Variants in ZFHX3 observed in about 807,000 individuals in gnomAD.
ZFHX3 encodes the protein zinc finger homeobox 3.
Under a neutral mutation model 279.1 loss-of-function variants are expected in ZFHX3, and 42 were observed. The ratio of observed to expected loss-of-function variants is 0.15; its 90% CI spans 0.12 to 0.19. The LOEUF (loss-of-function observed/expected upper bound fraction) is 0.19. ZFHX3 is among the 10% of genes least tolerant of loss of function. The pLI, the probability that ZFHX3 is intolerant of heterozygous loss-of-function variation, is 1.00. For synonymous variants in ZFHX3, 2,293 were observed against 1,957.8 expected (o/e 1.17, Z -4.52); for missense variants, 4,981 against 4,754.0 (o/e 1.05, Z -1.40).
chr16:72,959,307 G>T lies in ZFHX3; in HGVS notation c.839C>A (p.Pro280His). The change falls in exon 2 of 10, where the codon CCC (proline) becomes CAC (histidine). Residue 280 changes from proline to histidine, a missense_variant. Pro to His is a moderately conservative substitution (Grantham distance 77, BLOSUM62 -2). This residue lies in a region of ZFHX3 where 1,068 missense variants were observed against 935.2 expected (regional missense o/e 1.14). Coordinates refer to ENST00000268489, the MANE Select transcript of ZFHX3 (RefSeq NM_006885.4). ...TTTGCACAAGAAACACATCAGGATGGGCTTCCTCTTGCCATAGAGCACAAA... is the reference window on the plus strand; with the variant it reads ...TTTGCACAAGAAACACATCAGGATGTGCTTCCTCTTGCCATAGAGCACAAA... Reference protein sequence around the residue: ...DGFVLYGKRKPILMCFLCKLS... With the variant: ...DGFVLYGKRKHILMCFLCKLS... 6.2e-7 allele frequency: 1 copy of T among 1,614,196 alleles called. No homozygotes were observed. Among genetic ancestry groups the T allele is most frequent in the East Asian group, 2.2e-5 (1 of 44,882 alleles).
intron 7 of ZFHX3, chr16:72,809,288 A>G (rs2036367246): frequency 6.6e-6 from 1 of 152,230 alleles, no homozygotes; most frequent in African/African-American, 2.4e-5. Flanking sequence ...TGAGTAAAAG[A>G]AAAATGTAGG....
At chr16:72,872,180 T>G (rs556721378) in intron 4 of ZFHX3, among the ~76,000 whole-genome samples, 8 of 152,304 alleles carry the variant, frequency 5.3e-5, no homozygotes, top group Middle Eastern at 3.4e-3. Context: ...TTATATAATT[T>G]TGTATTCTTA....
At chr16:72,998,576 T>A (rs1457782904) in intron 1 of ZFHX3, among the ~76,000 whole-genome samples, 1 of 152,216 alleles carries the variant, frequency 6.6e-6, no homozygotes, top group Non-Finnish European at 1.5e-5. Flanking sequence ...TGTTCCACAC[T>A]CACAGTATGG....
intron 1 of ZFHX3, among the ~76,000 whole-genome samples, chr16:73,806,443 G>T (rs138374732): frequency 6.6e-6 from 1 of 152,196 alleles, no homozygotes; most frequent in African/African-American, 2.4e-5. Context: ...CTGAGGTCAC[G>T]GCTTTAGCTC....
intron 5 of ZFHX3, among the ~76,000 whole-genome samples, chr16:73,156,644 C>T (rs369154015): frequency 1.6e-3 from 248 of 152,296 alleles, no homozygotes; most frequent in African/African-American, 5.7e-3. Context: ...CAGCCTCGAC[C>T]TCCTGGGTTC....
intron 1 of ZFHX3, among the ~76,000 whole-genome samples, chr16:73,712,590 C>T (rs1306732188): frequency 1.6e-4 from 25 of 152,284 alleles, no homozygotes; most frequent in Non-Finnish European, 4.4e-5. Context: ...GCATGGGAAT[C>T]TGGTGGCCAG....
chr16:73,570,503 G>T (rs984654698), intron 2 of ZFHX3, among the ~76,000 whole-genome samples: 1 of 152,036 alleles, frequency 6.6e-6, no homozygotes, highest in African/African-American at 2.4e-5. Context: ...CAAATGAATG[G>T]CATTAATAAA....
At chr16:73,152,163 C>T (rs1227891688) in intron 5 of ZFHX3, among the ~76,000 whole-genome samples, 1 of 152,144 alleles carries the variant, frequency 6.6e-6, no homozygotes. Context: ...CAAGTCAAGA[C>T]CCTGGATATC....
At position 73,845,043 on chromosome 16, in the gene ZFHX3, C is replaced by CT. The variant is rs931758554; in HGVS notation, c.-1608+46607dup. 7.2e-4 allele frequency among the ~76,000 whole-genome samples: 110 copies of CT among 152,216 alleles called. 1 individual carries two copies. Among genetic ancestry groups the CT allele is most frequent in the African/African-American group, 2.6e-3 (110 of 41,524 alleles). ...GAAGGAAGAGGTGGTAGGAGCTCCT[C>CT]TTTTTTATAAGCAGCCATGCACTGA... On this transcript the variant is annotated intron_variant, in intron 1 of 17. Transcript: ENST00000641206.
chr16:73,853,635 A>G (rs1242591182), intron 1 of ZFHX3, among the ~76,000 whole-genome samples: 6 of 152,348 alleles, frequency 3.9e-5, no homozygotes, highest in African/African-American at 1.4e-4. Context: ...CAATAGGTAC[A>G]ATGAACATAA....
At chr16:73,749,982 C>T (rs1333675177) in intron 1 of ZFHX3, among the ~76,000 whole-genome samples, 2 of 152,176 alleles carry the variant, frequency 1.3e-5, no homozygotes, top group East Asian at 3.9e-4. Flanking sequence ...CAGGCTAGTG[C>T]CTGAGTGTCC....
intron 1 of ZFHX3, among the ~76,000 whole-genome samples, chr16:73,028,619 T>C (rs768205455): frequency 5.9e-5 from 9 of 152,128 alleles, no homozygotes; most frequent in Non-Finnish European, 8.8e-5. Context: ...CAGAATTCCA[T>C]CTCCAATAAC....
chr16:73,514,844 G>A (rs757128861), intron 2 of ZFHX3, among the ~76,000 whole-genome samples: 1 of 152,112 alleles, frequency 6.6e-6, no homozygotes, highest in Admixed American at 6.6e-5. Context: ...GAGCTGACAT[G>A]AACTTTCAAT....
At chr16:73,729,999 A>C (rs2053555284) in intron 1 of ZFHX3, among the ~76,000 whole-genome samples, 1 of 152,204 alleles carries the variant, frequency 6.6e-6, no homozygotes, top group Admixed American at 6.5e-5. Flanking sequence ...AACTCTACTA[A>C]GAATGGTATG....
rs1317471088 is a variant in ZFHX3 at position 72,788,348 on chromosome 16, A to G, written c.9928T>C (p.Tyr3310His). 3.1e-6 allele frequency: 5 copies of G among 1,614,150 alleles called. No homozygotes were observed. The highest frequency in any genetic ancestry group is 3.4e-6 in the Non-Finnish European group (4 of 1,180,016). ...TALLTSQFLPYFVPGFSPYYA... is the reference protein window; with the variant it reads ...TALLTSQFLPHFVPGFSPYYA... ...TAAGGAGAAAAGCCTGGTACAAAGT[A>G]AGGAAGGAACTGGCTTGTGAGCAAT... The change falls in exon 10 of 10, where the codon TAC (tyrosine) becomes CAC (histidine). Residue 3310 changes from tyrosine (Y) to histidine (H), a missense_variant. By Grantham distance (83) the Tyr-to-His change is moderately conservative (BLOSUM62 2). Coordinates refer to ENST00000268489, the MANE Select transcript of ZFHX3 (RefSeq NM_006885.4).
chr16:73,222,320 G>GA (rs999727693), intron 5 of ZFHX3, among the ~76,000 whole-genome samples: 3 of 151,838 alleles, frequency 2.0e-5, no homozygotes, highest in African/African-American at 4.8e-5. Flanking sequence ...TAGGAAATCT[G>GA]AAAAAAATCA....
chr16:73,411,966 A>G (rs1334315840), intron 3 of ZFHX3, among the ~76,000 whole-genome samples: 1 of 152,186 alleles, frequency 6.6e-6, no homozygotes, highest in East Asian at 1.9e-4. Flanking sequence ...TATTGGGGCT[A>G]AAACTTAAGG....
At chr16:73,640,013 T>G (rs1378879994) in intron 2 of ZFHX3, among the ~76,000 whole-genome samples, 2 of 152,126 alleles carry the variant, frequency 1.3e-5, no homozygotes, top group Non-Finnish European at 2.9e-5. Context: ...GAAAGAGCAT[T>G]TGGAGCTCTA....
rs55806545 is a variant in ZFHX3 at position 73,807,620 on chromosome 16, A to ATTTTTTTTTT, written c.-1608+84021_-1608+84030dup. 5.6e-3 allele frequency among the ~76,000 whole-genome samples: 395 copies of ATTTTTTTTTT among 70,544 alleles called. 18 individuals carry two copies. Among genetic ancestry groups the ATTTTTTTTTT allele is most frequent in the African/African-American group, 0.021 (385 of 18,238 alleles). The allele number at this position is 70,544 out of a possible 152,430, so 46.3% of individuals were successfully genotyped here. The stretch of plus-strand genomic sequence containing the variant: ...TACAGGCACATTCCACCATGCCCCA[A>ATTTTTTTTTT]TTTTTTTTTTTTTTTTTTTTTTTTT... On this transcript the variant is annotated intron_variant, in intron 1 of 17. Transcript: ENST00000641206.
Sources: gnomAD v4.1 joint callset for allele counts (sites outside exome capture counted in the v4.1 genomes callset) on GRCh38, gnomAD v4.1.1 for gene constraint, gnomAD v4.1.1 regional missense constraint, MANE v1.5 for transcripts, NCBI Gene and HGNC (gene_info 2026-07-23, HGNC 2026-07-21) for gene names.